Variants in FOLH1 observed in about 807,000 individuals in gnomAD.
The protein encoded by FOLH1 is glutamate carboxypeptidase 2.
In FOLH1, 54 loss-of-function variants were observed where a neutral mutation model predicts 93.9. The observed-to-expected ratio is 0.57, with a 90% CI of 0.46 to 0.72. The LOEUF (loss-of-function observed/expected upper bound fraction) is 0.72. Among genes scored for constraint, FOLH1 ranks in the 30% least tolerant of loss-of-function variants. FOLH1 has a pLI of 0.00. For synonymous variants in FOLH1, 249 were observed against 303.6 expected, an observed-to-expected ratio of 0.82 and a Z score of 1.87; for missense variants, 571 against 892.5, an observed-to-expected ratio of 0.64 and a Z score of 4.59.
At chr11:49,206,030 A>T (rs780701691) in intron 2 of FOLH1, 37 bp downstream of exon 2, 4 of 1,571,904 alleles carry the variant, frequency 2.5e-6, no homozygotes. Context: ...AATTTTTCTA[A>T]CAACTTGTCC....
intron 3 of FOLH1, among the ~76,000 whole-genome samples, chr11:49,196,887 G>A (rs1389608074): frequency 6.6e-6 from 1 of 152,186 alleles, no homozygotes; most frequent in Non-Finnish European, 1.5e-5. Context: ...GTCTTGGTCA[G>A]TGCAGTAATA....
intron 12 of FOLH1, among the ~76,000 whole-genome samples, chr11:49,167,153 A>G (rs1858510452): frequency 6.6e-6 from 1 of 152,242 alleles, no homozygotes; most frequent in Non-Finnish European, 1.5e-5. Flanking sequence ...ACATATATAT[A>G]CATGTATATA....
intron 12 of FOLH1, 83 bp from the exon 13 acceptor site, chr11:49,164,855 C>T (rs1302125183): frequency 8.4e-6 from 9 of 1,070,790 alleles, no homozygotes; most frequent in Admixed American, 6.8e-5. Context: ...TAAATTCCTA[C>T]CAGAATGATT....
intron 13 of FOLH1, among the ~76,000 whole-genome samples, chr11:49,163,127 C>T (rs1364518269): frequency 1.3e-5 from 2 of 152,142 alleles, no homozygotes; most frequent in African/African-American, 4.8e-5. Context: ...TGAGGGTCCA[C>T]TTCAGCCCTC....
intron 15 of FOLH1, 147 bp downstream of exon 15, chr11:49,156,570 T>A: frequency 7.2e-6 from 7 of 968,614 alleles, no homozygotes; most frequent in Non-Finnish European, 1.1e-5. Context: ...TCCTACGTAG[T>A]AGTGATACTG....
intron 4 of FOLH1, among the ~76,000 whole-genome samples, chr11:49,191,261 C>A (rs929390940): frequency 2.1e-4 from 32 of 152,190 alleles, no homozygotes; most frequent in African/African-American, 7.7e-4. Flanking sequence ...ATCCGCCCCC[C>A]TCGGCCTCCT....
chr11:49,152,451 G>A (rs1856597333), intron 17 of FOLH1, among the ~76,000 whole-genome samples: 1 of 151,952 alleles, frequency 6.6e-6, no homozygotes, highest in Non-Finnish European at 1.5e-5. Flanking sequence ...TACAGCAATG[G>A]GCAAACCAAG....
intron 4 of FOLH1, among the ~76,000 whole-genome samples, chr11:49,188,108 G>C (rs902791412): frequency 1.2e-4 from 19 of 152,172 alleles, no homozygotes; most frequent in African/African-American, 4.3e-4. Flanking sequence ...ATGCTTGAAA[G>C]TCTTTTATTA....
In FOLH1 at chr11:49,185,743, C is replaced by T. The variant is rs1227750729; in HGVS notation, c.752G>A (p.Gly251Asp). 10 of 1,613,368 alleles carry T rather than the reference C, an allele frequency of 6.2e-6. No individual in the cohort carries two copies. The highest frequency in any genetic ancestry group is 2.7e-5 in the African/African-American group (2 of 74,864). ...TAGGATATTTCCACGCTGGACACCA[C>T]CTCCAGGAAGATTCCAACCATCTGG... ...SYPDGWNLPG[G>D]GVQRGNILNL... Residue 251 changes from glycine (G) to aspartate (D), a missense_variant, in exon 6 of 19, where the codon GGT becomes GAT. By Grantham distance (94) the Gly-to-Asp change is moderately conservative. Transcript: ENST00000256999.
At chr11:49,177,244 G>A (rs559950025) in intron 7 of FOLH1, among the ~76,000 whole-genome samples, 1 of 152,190 alleles carries the variant, frequency 6.6e-6, no homozygotes, top group East Asian at 1.9e-4. Flanking sequence ...TAAGGAGTTT[G>A]TATATTAAAC....
intron 10 of FOLH1, among the ~76,000 whole-genome samples, chr11:49,172,609 T>G (rs1160875643): frequency 6.6e-6 from 1 of 152,114 alleles, no homozygotes; most frequent in Non-Finnish European, 1.5e-5. Flanking sequence ...AAAAAAAAAG[T>G]AAATACTATG....
chr11:49,184,172 G>T (rs1293576966), intron 6 of FOLH1, among the ~76,000 whole-genome samples: 1 of 152,042 alleles, frequency 6.6e-6, no homozygotes, highest in Non-Finnish European at 1.5e-5. Context: ...TATGCTGTGT[G>T]GGATTTGTTT....
chr11:49,168,781 T>C (rs1328856302), intron 12 of FOLH1, among the ~76,000 whole-genome samples: 1 of 152,120 alleles, frequency 6.6e-6, no homozygotes, highest in Admixed American at 6.6e-5. Context: ...AATGATACTT[T>C]TTTTCTACAC....
At chr11:49,167,677 T>C (rs1858576662) in intron 12 of FOLH1, among the ~76,000 whole-genome samples, 1 of 151,894 alleles carries the variant, frequency 6.6e-6, no homozygotes, top group Admixed American at 6.6e-5. Context: ...TAGCTGGATG[T>C]CTAGCGTTTG....
At chr11:49,160,825 G>T (rs1200660647) in intron 13 of FOLH1, among the ~76,000 whole-genome samples, 1 of 152,102 alleles carries the variant, frequency 6.6e-6, no homozygotes, top group Admixed American at 6.5e-5. Flanking sequence ...AGAGATTCTG[G>T]TGTGTCATAT....
intron 17 of FOLH1, among the ~76,000 whole-genome samples, chr11:49,153,533 G>C (rs1856686944): frequency 6.6e-6 from 1 of 152,110 alleles, no homozygotes; most frequent in Non-Finnish European, 1.5e-5. Flanking sequence ...TGTCAGGAGG[G>C]AGGGACTGAC....
chr11:49,208,235 A>G lies in FOLH1; in HGVS notation c.118+57T>C, dbSNP rs540635994. 3.1e-6 allele frequency: 4 copies of G among 1,277,452 alleles called. No homozygotes were observed. The East Asian group carries it at 1.0e-4, about 33-fold the overall frequency. 79.1% of individuals were successfully genotyped at this position (1,277,452 alleles called of 1,614,324 possible). A position where few individuals can be genotyped will look rare whatever the true frequency, so the allele number is the denominator to read the frequency against. On this transcript the variant is annotated intron_variant, in intron 1 of 18. Coordinates refer to ENST00000256999, the MANE Select transcript of FOLH1 (RefSeq NM_004476.3). ...ACTCGGCAGCTGACCCGCGAGTCCCAGCACCGCGGCACCACGGGGAAGACT... is the reference window on the plus strand; with the variant it reads ...ACTCGGCAGCTGACCCGCGAGTCCCGGCACCGCGGCACCACGGGGAAGACT...
At chr11:49,159,917 T>TC (rs988338809) in intron 13 of FOLH1, among the ~76,000 whole-genome samples, 1 of 150,352 alleles carries the variant, frequency 6.7e-6, no homozygotes, top group African/African-American at 2.4e-5. Context: ...TTTTTTTTTT[T>TC]CTGTTTTTGT....
At position 49,206,736 on chromosome 11, in the gene FOLH1, A is replaced by G. The variant is rs748636945; in HGVS notation, c.119-564T>C. On this transcript the variant is annotated intron_variant, in intron 1 of 18. Transcript: ENST00000256999. ...TTGCGTTTCCAGTGAAGTAGGCGTG[A>G]GAAATCCAAGTTCAGACAGCTACAA... 2.6e-6 allele frequency: 4 copies of G among 1,533,464 alleles called. No homozygotes were observed. The South Asian group carries it at 3.6e-5, about 14-fold the overall frequency. 95.0% of individuals were successfully genotyped at this position (1,533,464 alleles called of 1,614,324 possible). A position where few individuals can be genotyped will look rare whatever the true frequency, so the allele number is the denominator to read the frequency against.
Sources: gnomAD v4.1 joint callset for allele counts (sites outside exome capture counted in the v4.1 genomes callset) on GRCh38, gnomAD v4.1.1 for gene constraint, MANE v1.5 for transcripts, NCBI Gene and HGNC (gene_info 2026-07-23, HGNC 2026-07-21) for gene names.